The following ZMYM4 variants were observed in gnomAD, a reference collection of about 807,000 sequenced individuals.
ZMYM4 encodes zinc finger MYM-type protein 4.
A neutral mutation model predicts 183.2 loss-of-function variants in ZMYM4; 31 were observed. The observed-to-expected ratio is 0.17, with a 90% CI of 0.13 to 0.23. ZMYM4 has a LOEUF of 0.23. Ranked by LOEUF, ZMYM4 falls within the 10% of genes least tolerant of loss-of-function variation. ZMYM4 has a pLI of 1.00. For synonymous variants in ZMYM4, 592 were observed against 631.2 expected, an observed-to-expected ratio of 0.94 and a Z score of 0.93; for missense variants, 1,273 against 1,840.3, an observed-to-expected ratio of 0.69 and a Z score of 5.64.
intron 1 of ZMYM4, among the ~76,000 whole-genome samples, chr1:35,297,941 A>C (rs560579937): frequency 1.3e-5 from 2 of 152,360 alleles, no homozygotes; most frequent in African/African-American, 4.8e-5. Flanking sequence ...GTTTAACATA[A>C]AGAATTATTT....
intron 23 of ZMYM4, among the ~76,000 whole-genome samples, chr1:35,404,064 T>G (rs994367265): frequency 1.3e-5 from 2 of 152,054 alleles, no homozygotes; most frequent in Admixed American, 6.6e-5. Flanking sequence ...CTTTTCTGGT[T>G]TTTTGCTTGT....
intron 1 of ZMYM4, among the ~76,000 whole-genome samples, chr1:35,282,285 G>T (rs971736847): frequency 5.3e-5 from 8 of 152,200 alleles, no homozygotes; most frequent in African/African-American, 1.9e-4. Flanking sequence ...TACAAGCAAG[G>T]TTCTACCTTT....
intron 1 of ZMYM4, among the ~76,000 whole-genome samples, chr1:35,305,812 G>A (rs1034531523): frequency 2.0e-5 from 3 of 152,260 alleles, no homozygotes; most frequent in African/African-American, 7.2e-5. Context: ...GCCTCCCAAA[G>A]TGTTGGGATT....
At chr1:35,414,445 C>A (rs1291641888) in intron 27 of ZMYM4, among the ~76,000 whole-genome samples, 1 of 152,084 alleles carries the variant, frequency 6.6e-6, no homozygotes, top group Non-Finnish European at 1.5e-5. Flanking sequence ...GAGTTAAGTC[C>A]TCGTCCTTGA....
rs1405408295 is a variant in ZMYM4 at position 35,419,985 on chromosome 1, C to T, written c.*308C>T. ...AATCGTGGAATATTTTTAAGGAAAA[C>T]TGTTGTATAAAACTTTACCATAGTA... is the stretch of plus-strand genomic sequence containing the variant. On this transcript the variant is annotated 3_prime_UTR_variant, in exon 30 of 30. Coordinates refer to ENST00000314607, the MANE Select transcript of ZMYM4 (RefSeq NM_005095.3). 8.3e-6 allele frequency: 3 copies of T among 361,050 alleles called. No homozygotes were observed. The highest frequency in any genetic ancestry group is 1.6e-5 in the Non-Finnish European group (3 of 187,206). 22.4% of individuals were successfully genotyped at this position (361,050 alleles called of 1,614,324 possible).
At chr1:35,291,956 G>A (rs1217611908) in intron 1 of ZMYM4, among the ~76,000 whole-genome samples, 1 of 151,848 alleles carries the variant, frequency 6.6e-6, no homozygotes, top group East Asian at 1.9e-4. Flanking sequence ...TATTTAGCAG[G>A]CCCTTTTTGC....
At position 35,381,751 on chromosome 1, in the gene ZMYM4, A is replaced by G. The variant is rs758748962; in HGVS notation, c.1562A>G (p.Tyr521Cys). Residue 521 changes from tyrosine (Y) to cysteine (C), a missense_variant, in exon 9 of 30, where the codon TAC (tyrosine) becomes TGC (cysteine). Physicochemically the swap from Tyr to Cys is radical, Grantham distance 194. Coordinates refer to ENST00000314607, the MANE Select transcript of ZMYM4 (RefSeq NM_005095.3). ...TGTAGTTCATCGTGTATCACGGCAT[A>G]CAAGCAGGTACATGACCATATTTAA... ...KFCSSSCITAYKQKSAKITPC... is the reference protein window; with the variant it reads ...KFCSSSCITACKQKSAKITPC... 1 of 1,614,090 alleles carries G rather than the reference A, an allele frequency of 6.2e-7. No homozygotes were observed.
At chr1:35,353,212 C>T (rs953067601) in intron 2 of ZMYM4, among the ~76,000 whole-genome samples, 1 of 152,158 alleles carries the variant, frequency 6.6e-6, no homozygotes, top group Non-Finnish European at 1.5e-5. Flanking sequence ...ATTATTATTA[C>T]CTTGGGTTTA....
At chr1:35,399,194 C>G (rs1327915228) in intron 22 of ZMYM4, 151 bp downstream of exon 22, 1 of 921,398 alleles carries the variant, frequency 1.1e-6, no homozygotes, top group Non-Finnish European at 1.6e-6. Context: ...TAGACCCTGG[C>G]TTTGTAGGTG....
At chr1:35,379,896 G>A (rs1362655693) in intron 7 of ZMYM4, among the ~76,000 whole-genome samples, 2 of 152,236 alleles carry the variant, frequency 1.3e-5, no homozygotes, top group Non-Finnish European at 2.9e-5. Flanking sequence ...TTACATTGAC[G>A]TGGTTTGTGG....
chr1:35,373,975 T>G (rs1018287985), intron 7 of ZMYM4, among the ~76,000 whole-genome samples: 1 of 151,382 alleles, frequency 6.6e-6, no homozygotes, highest in East Asian at 1.9e-4. Context: ...TAGGTATATA[T>G]CCTGTCTCTA....
chr1:35,328,437 G>T (rs1642595775), intron 2 of ZMYM4, among the ~76,000 whole-genome samples: 1 of 149,992 alleles, frequency 6.7e-6, no homozygotes, highest in Non-Finnish European at 1.5e-5. Flanking sequence ...TGATCACCAT[G>T]CCTGGCTAAT....
intron 23 of ZMYM4, chr1:35,400,228 G>A (rs1424043234): frequency 6.4e-5 from 8 of 125,736 alleles, no homozygotes; most frequent in Admixed American, 4.1e-4. Flanking sequence ...TTGAGACGGA[G>A]TTTCGCTCTG....
In ZMYM4 at chr1:35,358,989, C is replaced by A; in HGVS notation, c.150C>A (p.Asp50Glu). ...ACCACAACTTAACTCCTACCCTTGA[C>A]AGCATGTCTTATGGAATGCCGAATC... Reference protein sequence around the residue: ...DIDHNLTPTLDSMSYGMPNQT... With the variant: ...DIDHNLTPTLESMSYGMPNQT... The change falls in exon 3 of 30, where the codon GAC becomes GAA. Residue 50 changes from aspartate (D) to glutamate (E), a missense_variant. Physicochemically the swap from Asp to Glu is conservative, Grantham distance 45. This residue lies in a region of ZMYM4 where 384 missense variants were observed against 465.6 expected (regional missense o/e 0.82). Transcript: ENST00000314607. The A allele has an allele frequency of 6.2e-7, 1 of 1,613,738 alleles. No homozygotes were observed.
chr1:35,419,836 A>G lies in ZMYM4; in HGVS notation c.*159A>G, dbSNP rs1640266133. 2 of 686,608 alleles carry G rather than the reference A, an allele frequency of 2.9e-6. No homozygotes were observed. Among genetic ancestry groups the G allele is most frequent in the South Asian group, 1.9e-5 (1 of 52,142 alleles). 42.5% of individuals were successfully genotyped at this position (686,608 alleles called of 1,614,324 possible). A position where few individuals can be genotyped will look rare whatever the true frequency, so the allele number is the denominator to read the frequency against. On this transcript the variant is annotated 3_prime_UTR_variant, in exon 30 of 30. Transcript: ENST00000314607. The stretch of plus-strand genomic sequence containing the variant: ...TGAACCCCACAGTGTGGATGTGCAA[A>G]TGAAAATTGAAGGAAAGAATATGAA...
intron 28 of ZMYM4, among the ~76,000 whole-genome samples, chr1:35,416,880 G>T (rs1345084638): frequency 1.3e-5 from 2 of 152,164 alleles, no homozygotes; most frequent in Non-Finnish European, 2.9e-5. Flanking sequence ...GGTATTAACT[G>T]GGGGAGGGAA....
chr1:35,300,073 G>A (rs1473308238), intron 1 of ZMYM4, among the ~76,000 whole-genome samples: 1 of 142,842 alleles, frequency 7.0e-6, no homozygotes, highest in Non-Finnish European at 1.5e-5. Flanking sequence ...GGGATTACAG[G>A]CATGAGCCAC....
chr1:35,390,269 TGTC>T (rs1201669138), intron 15 of ZMYM4, among the ~76,000 whole-genome samples, 171 bp downstream of exon 15: 2 of 152,174 alleles, frequency 1.3e-5, no homozygotes, highest in African/African-American at 2.4e-5. Context: ...CTTATTTCAC[TGTC>T]GTCCGTGTGA....
At chr1:35,279,328 G>A (rs1640027507) in intron 1 of ZMYM4, among the ~76,000 whole-genome samples, 1 of 152,116 alleles carries the variant, frequency 6.6e-6, no homozygotes, top group Non-Finnish European at 1.5e-5. Flanking sequence ...TTAAAACCTT[G>A]TCAGTCTCCT....
Sources: allele counts gnomAD v4.1 joint callset (sites outside exome capture counted in the v4.1 genomes callset), GRCh38; gene constraint gnomAD v4.1.1; regional missense constraint gnomAD v4.1.1; transcripts MANE v1.5; gene names NCBI Gene and HGNC (gene_info 2026-07-23, HGNC 2026-07-21).